The following HTR1D variants were observed in gnomAD, a reference collection of about 807,000 sequenced individuals.
HTR1D encodes the protein 5-HT-1D.
A neutral mutation model predicts 21.1 loss-of-function variants in HTR1D; 18 were observed. The ratio of observed to expected loss-of-function variants is 0.85; its 90% confidence interval spans 0.59 to 1.27. The LOEUF is 1.27. HTR1D is among the 50% of genes most tolerant of loss of function. The probability of loss-of-function intolerance (pLI) is 0.00; values close to 1 mark genes in which losing one functional copy is unlikely to be tolerated. For synonymous variants in HTR1D, 196 were observed against 204.4 expected (o/e 0.96, Z 0.35); for missense variants, 456 against 481.4 (o/e 0.95, Z 0.49).
intron 1 of HTR1D, among the ~76,000 whole-genome samples, chr1:23,196,228 T>C (rs1644688253): frequency 6.6e-6 from 1 of 152,076 alleles, no homozygotes; most frequent in African/African-American, 2.4e-5. Context: ...GTGGATCACC[T>C]GAGGTCGGGA....
rs1282392677 is a variant in HTR1D, at chr1:23,192,174, C to T, written c.*912G>A. The T allele has an allele frequency of 6.6e-6, 1 of 152,210 alleles. No individual in the cohort carries two copies. Among genetic ancestry groups the T allele is most frequent in the African/African-American group, 2.4e-5 (1 of 41,406 alleles). The allele number at this position is 152,210 out of a possible 1,614,324, so 9.4% of individuals were successfully genotyped here. ...AGTCAATCTGGTCCCAACCATCCTA[C>T]CCCCGCTACCCCTAACTTCTGAATC... On this transcript the variant is annotated 3_prime_UTR_variant, in exon 2 of 2. Coordinates refer to ENST00000374619, the MANE Select transcript of HTR1D (RefSeq NM_000864.5).
At chr1:23,196,038 G>A (rs187570736) in intron 1 of HTR1D, among the ~76,000 whole-genome samples, 1 of 151,898 alleles carries the variant, frequency 6.6e-6, no homozygotes, top group East Asian at 2.0e-4. Context: ...GCAGGGTCTT[G>A]CTATGTTGCC....
At chr1:23,203,554 G>C (rs773566133) in intron 1 of HTR1D, among the ~76,000 whole-genome samples, 4 of 152,282 alleles carry the variant, frequency 2.6e-5, no homozygotes, top group Admixed American at 6.5e-5. Context: ...CTACTTGGGA[G>C]GCTGAGGTGG....
chr1:23,204,779 C>T (rs1374597612), intron 1 of HTR1D, among the ~76,000 whole-genome samples: 4 of 152,156 alleles, frequency 2.6e-5, no homozygotes, highest in Non-Finnish European at 5.9e-5. Flanking sequence ...CAGGGAGAGA[C>T]AAGGACGTGG....
intron 1 of HTR1D, among the ~76,000 whole-genome samples, chr1:23,199,601 G>A (rs1244075128): frequency 6.6e-6 from 1 of 151,674 alleles, no homozygotes. Context: ...GCCTGATGTT[G>A]TATTTTTTAA....
intron 1 of HTR1D, among the ~76,000 whole-genome samples, chr1:23,204,441 T>C (rs1213073556): frequency 6.6e-6 from 1 of 152,090 alleles, no homozygotes; most frequent in Non-Finnish European, 1.5e-5. Flanking sequence ...ATTTTTTTCA[T>C]GTGGAAAATG....
chr1:23,194,396 A>G lies in HTR1D; in HGVS notation c.-177T>C, dbSNP rs113919024. ...TATTCTCTAAGTACAGTTGCAATAA[A>G]ATAAAATTAAATAACAATAATAATA... is the stretch of plus-strand genomic sequence containing the variant. On this transcript the variant is annotated 5_prime_UTR_variant, in exon 2 of 2. Transcript: ENST00000374619. The G allele has an allele frequency of 7.9e-4, 360 of 455,126 alleles. 4 individuals carry two copies. The highest frequency in any genetic ancestry group is 6.5e-3 in the African/African-American group (327 of 50,602). The allele number at this position is 455,126 out of a possible 1,614,324, so 28.2% of individuals were successfully genotyped here.
intron 1 of HTR1D, among the ~76,000 whole-genome samples, chr1:23,210,494 G>A (rs1644749583): frequency 6.6e-6 from 1 of 152,132 alleles, no homozygotes; most frequent in South Asian, 2.1e-4. Context: ...AGATGGGAAG[G>A]ACTCTTAGGA....
chr1:23,203,016 G>A (rs1192447753), intron 1 of HTR1D, among the ~76,000 whole-genome samples: 1 of 152,056 alleles, frequency 6.6e-6, no homozygotes, highest in Non-Finnish European at 1.5e-5. Context: ...CCAGGTTCAG[G>A]CGATTCTCCT....
intron 1 of HTR1D, among the ~76,000 whole-genome samples, chr1:23,211,199 T>G (rs543314492): frequency 6.6e-6 from 1 of 152,316 alleles, no homozygotes; most frequent in Admixed American, 6.5e-5. Flanking sequence ...ACTCAACCTC[T>G]CTGTTTCCTC....
At chr1:23,201,537 G>C in intron 1 of HTR1D, among the ~76,000 whole-genome samples, 1 of 152,252 alleles carries the variant, frequency 6.6e-6, no homozygotes, top group East Asian at 1.9e-4. Context: ...AGTAAGACAA[G>C]GAACTTTCTT....
At chr1:23,203,189 G>A (rs768935742) in intron 1 of HTR1D, among the ~76,000 whole-genome samples, 5 of 152,126 alleles carry the variant, frequency 3.3e-5, no homozygotes, top group African/African-American at 4.8e-5. Flanking sequence ...ATCAGCCACC[G>A]CGCCCGGCCA....
In HTR1D at chr1:23,217,464, C is replaced by T. The variant is rs1317209755; in HGVS notation, c.-956G>A. Among the ~76,000 whole-genome samples, 1 of 152,046 alleles carries T rather than the reference C, an allele frequency of 6.6e-6. No individual in the cohort carries two copies. The highest frequency in any genetic ancestry group is 1.5e-5 in the Non-Finnish European group (1 of 67,954). On this transcript the variant is annotated 5_prime_UTR_variant, in exon 1 of 2. Coordinates refer to ENST00000374619, the MANE Select transcript of HTR1D (RefSeq NM_000864.5). The surrounding 1 kb of genome is among the most constrained non-coding windows in gnomAD (Gnocchi z 4.6). ...GGCTCGCGCCCTCGCGATCCCGCAC[C>T]TGCCTCCGCCTCTCCCAGAGCCCTG...
At chr1:23,195,527 C>G (rs1052655359) in intron 1 of HTR1D, among the ~76,000 whole-genome samples, 8 of 152,216 alleles carry the variant, frequency 5.3e-5, no homozygotes, top group African/African-American at 1.9e-4. Context: ...CAACCTCTGC[C>G]TCCTGGGTTC....
intron 1 of HTR1D, among the ~76,000 whole-genome samples, chr1:23,212,528 G>C (rs917361383): frequency 2.6e-5 from 4 of 152,178 alleles, no homozygotes. Flanking sequence ...TTTAGGATTT[G>C]TAATACACAT....
chr1:23,216,807 C>T (rs567280623), intron 1 of HTR1D, among the ~76,000 whole-genome samples: 3 of 152,278 alleles, frequency 2.0e-5, no homozygotes, highest in Admixed American at 6.5e-5. Context: ...GTCACAGAGC[C>T]GGTCAGCCCC....
Position 23,194,601 on chromosome 1 carries a change from C to T in HTR1D, c.-382G>A, listed in dbSNP as rs962713657. 1 of 171,122 alleles carries T rather than the reference C, an allele frequency of 5.8e-6. No individual in the cohort carries two copies. The highest frequency in any genetic ancestry group is 1.4e-5 in the Non-Finnish European group (1 of 70,788). The allele number at this position is 171,122 out of a possible 1,614,324, so 10.6% of individuals were successfully genotyped here. On this transcript the variant is annotated 5_prime_UTR_variant, in exon 2 of 2. It adds an upstream start codon to the 5' untranslated region. Transcript: ENST00000374619. ...TTGTTAGACAATTATCAGGGGATCACACCCAGGTGGGCAATGCCCTGGGAT... is the reference window on the plus strand; with the variant it reads ...TTGTTAGACAATTATCAGGGGATCATACCCAGGTGGGCAATGCCCTGGGAT...
Position 23,194,165 on chromosome 1 carries a change from A to C in HTR1D, c.55T>G (p.Ser19Ala). ...TCTGAGGTTTCTGTGGCATTCAGGG[A>C]TCTGTTGGAGGCCTCCTGGGGAAGG... ...EGLPQEASNR[S>A]LNATETSEAW... The change falls in exon 2 of 2, where the codon TCC becomes GCC. Residue 19 changes from serine (S) to alanine (A), a missense_variant. Coordinates refer to ENST00000374619, the MANE Select transcript of HTR1D (RefSeq NM_000864.5). The C allele has an allele frequency of 1.2e-6, 2 of 1,614,028 alleles. No homozygotes were observed. The highest frequency in any genetic ancestry group is 1.7e-6 in the Non-Finnish European group (2 of 1,179,998).
intron 1 of HTR1D, among the ~76,000 whole-genome samples, chr1:23,212,227 T>C (rs974276586): frequency 6.6e-6 from 1 of 152,160 alleles, no homozygotes; most frequent in African/African-American, 2.4e-5. Context: ...ACTTCCCTTC[T>C]CTCCACGCCA....
Sources: gnomAD v4.1 joint callset for allele counts (sites outside exome capture counted in the v4.1 genomes callset) on GRCh38, gnomAD v4.1.1 for gene constraint, Gnocchi (gnomAD v3.1) non-coding constraint, MANE v1.5 for transcripts, NCBI Gene and HGNC (gene_info 2026-07-23, HGNC 2026-07-21) for gene names.